MCC: variants seen among roughly 807,000 people sequenced by gnomAD.
MCC encodes the protein colorectal mutant cancer protein.
In MCC, 90 loss-of-function variants were observed where a neutral mutation model predicts 116.2. That is an observed-to-expected ratio of 0.77 (90% CI 0.65 to 0.92). The LOEUF (loss-of-function observed/expected upper bound fraction) is 0.92, where lower values mean the gene tolerates loss of function less well. Among genes scored for constraint, MCC ranks in the 40% least tolerant of loss-of-function variants. MCC has a pLI of 0.00. For missense variants in MCC, 1,516 were observed against 1,312.2 expected, an observed-to-expected ratio of 1.16 and a Z score of -2.40; for synonymous variants, 578 against 510.5, an observed-to-expected ratio of 1.13 and a Z score of -1.78.
intron 15 of MCC, among the ~76,000 whole-genome samples, chr5:113,051,620 G>T (rs1752495166): frequency 6.6e-6 from 1 of 152,130 alleles, no homozygotes; most frequent in Admixed American, 6.5e-5. Flanking sequence ...GGCTACTCGG[G>T]AGGCTGAGGC....
At chr5:113,170,470 A>G (rs1310667243) in intron 3 of MCC, among the ~76,000 whole-genome samples, 1 of 152,122 alleles carries the variant, frequency 6.6e-6, no homozygotes, top group Non-Finnish European at 1.5e-5. Context: ...TGGCGTCATT[A>G]AAGTCCCACA....
intron 5 of MCC, 117 bp downstream of exon 5, chr5:113,143,101 T>C (rs145508162): frequency 0.032 from 34,303 of 1,084,684 alleles, 639 homozygotes; most frequent in Non-Finnish European, 0.037. Context: ...TATAATCTAG[T>C]TTATAATCTA....
At chr5:113,388,345 C>T (rs993672444) in intron 1 of MCC, among the ~76,000 whole-genome samples, 3 of 152,286 alleles carry the variant, frequency 2.0e-5, no homozygotes, top group Non-Finnish European at 4.4e-5. Flanking sequence ...TAATAACTAA[C>T]AAGCCTGCAG....
At chr5:113,148,231 T>C (rs1759644160) in intron 4 of MCC, among the ~76,000 whole-genome samples, 1 of 152,230 alleles carries the variant, frequency 6.6e-6, no homozygotes, top group South Asian at 2.1e-4. Flanking sequence ...TTTGGGAAGA[T>C]AGGAGTGTGC....
chr5:113,153,963 T>C (rs1398004401), intron 3 of MCC, among the ~76,000 whole-genome samples: 1 of 152,274 alleles, frequency 6.6e-6, no homozygotes, highest in Non-Finnish European at 1.5e-5. Flanking sequence ...TCTGGTATTG[T>C]ACATGACAGA....
chr5:113,268,724 G>A (rs1363344915), intron 3 of MCC, among the ~76,000 whole-genome samples: 2 of 152,126 alleles, frequency 1.3e-5, no homozygotes, highest in Non-Finnish European at 2.9e-5. Flanking sequence ...AATTTTTTTA[G>A]TTTGGGAGGT....
chr5:113,124,718 G>A (rs1394819240), intron 5 of MCC, among the ~76,000 whole-genome samples: 1 of 152,204 alleles, frequency 6.6e-6, no homozygotes, highest in Non-Finnish European at 1.5e-5. Context: ...CAGTCTGAAG[G>A]AGAACCATAC....
chr5:113,344,875 T>C (rs1768096197), intron 2 of MCC, among the ~76,000 whole-genome samples: 1 of 152,006 alleles, frequency 6.6e-6, no homozygotes, highest in South Asian at 2.1e-4. Flanking sequence ...CTGTGGTGTC[T>C]ACAGTGAAAG....
chr5:113,488,357 C>A lies in MCC; in HGVS notation c.58G>T (p.Gly20Cys). The change falls in exon 1 of 19, where the codon GGC (glycine) becomes TGC (cysteine). Residue 20 changes from glycine to cysteine, a missense_variant. Gly to Cys is a radical substitution (Grantham distance 159, BLOSUM62 -3). Coordinates refer to ENST00000408903, the MANE Select transcript of MCC (RefSeq NM_001085377.2). ...CTGCTGCTGCTGCTGCCGCTGCCGC[C>A]GCCGCCGCCGCCGCTGCTGGAGCTC... is the stretch of plus-strand genomic sequence containing the variant. ...AGSSSSGGGGGGSGSSSSSSD... is the reference protein window; with the variant it reads ...AGSSSSGGGGCGSGSSSSSSD... 7.2e-7 allele frequency: 1 copy of A among 1,397,604 alleles called. No homozygotes were observed. 86.6% of individuals were successfully genotyped at this position (1,397,604 alleles called of 1,614,324 possible).
intron 3 of MCC, among the ~76,000 whole-genome samples, chr5:113,222,723 T>G (rs1323059609): frequency 6.6e-6 from 1 of 152,214 alleles, no homozygotes; most frequent in Non-Finnish European, 1.5e-5. Context: ...GTTTGACTTA[T>G]GGGGCAATGA....
intron 16 of MCC, 25 bp downstream of exon 16, chr5:113,049,068 T>C: frequency 6.2e-7 from 1 of 1,611,936 alleles, no homozygotes; most frequent in Non-Finnish European, 8.5e-7. Context: ...AGCCTAAGGG[T>C]GTCCCCAAGC....
intron 15 of MCC, among the ~76,000 whole-genome samples, chr5:113,051,728 CAACAAACA>C (rs36220203): frequency 0.39 from 58,986 of 151,348 alleles, 11,616 homozygotes; most frequent in Non-Finnish European, 0.44. Flanking sequence ...TGTTTCAAAA[CAACAAACA>C]AACAAACAAA....
At chr5:113,094,920 G>C (rs1755914139) in intron 8 of MCC, among the ~76,000 whole-genome samples, 3 of 152,146 alleles carry the variant, frequency 2.0e-5, no homozygotes, top group African/African-American at 7.2e-5. Flanking sequence ...AAGTAACTGG[G>C]AGCTGTGTCC....
chr5:113,044,204 C>A (rs909520922), intron 16 of MCC, among the ~76,000 whole-genome samples: 5 of 152,170 alleles, frequency 3.3e-5, no homozygotes, highest in Admixed American at 3.3e-4. Flanking sequence ...GATTTAGGAG[C>A]CTTGCTGGGT....
At chr5:113,417,211 G>T (rs541699703) in intron 1 of MCC, among the ~76,000 whole-genome samples, 1 of 151,988 alleles carries the variant, frequency 6.6e-6, no homozygotes, top group African/African-American at 2.4e-5. Flanking sequence ...CTCATGATCC[G>T]CCCACCTAGG....
At chr5:113,372,153 C>T (rs1360243359) in intron 2 of MCC, among the ~76,000 whole-genome samples, 2 of 152,176 alleles carry the variant, frequency 1.3e-5, no homozygotes, top group African/African-American at 4.8e-5. Flanking sequence ...CACTGACTCC[C>T]TTCATGCCAG....
chr5:113,414,597 T>C (rs1580347391), intron 1 of MCC, among the ~76,000 whole-genome samples: 1 of 152,232 alleles, frequency 6.6e-6, no homozygotes, highest in Non-Finnish European at 1.5e-5. Flanking sequence ...CCCCTGCTTT[T>C]TTTTTGCTTC....
intron 3 of MCC, among the ~76,000 whole-genome samples, chr5:113,266,822 A>C (rs938553445): frequency 6.6e-6 from 1 of 151,498 alleles, no homozygotes; most frequent in Non-Finnish European, 1.5e-5. Context: ...CAAAAAAAAA[A>C]CCTAACAAAA....
intron 5 of MCC, among the ~76,000 whole-genome samples, chr5:113,142,227 T>A (rs1759222013): frequency 6.8e-6 from 1 of 147,700 alleles, no homozygotes; most frequent in African/African-American, 2.4e-5. Flanking sequence ...AGAAGGAGAG[T>A]TTAAAGTAGC....
Sources: gnomAD v4.1 joint callset for allele counts (sites outside exome capture counted in the v4.1 genomes callset) on GRCh38, gnomAD v4.1.1 for gene constraint, MANE v1.5 for transcripts, NCBI Gene and HGNC (gene_info 2026-07-23, HGNC 2026-07-21) for gene names.